SLC39A9: variants seen among roughly 807,000 people sequenced by gnomAD.
The protein encoded by SLC39A9 is zinc transporter ZIP9.
A neutral mutation model predicts 28.4 loss-of-function variants in SLC39A9; 14 were observed. The ratio of observed to expected loss-of-function variants is 0.49; its 90% CI spans 0.33 to 0.77. The LOEUF is 0.77. Among genes scored for constraint, SLC39A9 ranks in the 30% least tolerant of loss-of-function variants. SLC39A9 has a pLI of 0.02. For synonymous variants in SLC39A9, 119 were observed against 149.6 expected, an observed-to-expected ratio of 0.80 and a Z score of 1.49; for missense variants, 283 against 381.1, an observed-to-expected ratio of 0.74 and a Z score of 2.14.
intron 1 of SLC39A9, among the ~76,000 whole-genome samples, chr14:69,406,003 A>T (rs1445258840): frequency 2.0e-5 from 3 of 152,196 alleles, no homozygotes; most frequent in African/African-American, 7.2e-5. Flanking sequence ...GTGATTTGGA[A>T]CTAAGTCATT....
At chr14:69,443,921 C>T (rs945419270) in intron 3 of SLC39A9, among the ~76,000 whole-genome samples, 6 of 151,696 alleles carry the variant, frequency 4.0e-5, no homozygotes, top group Non-Finnish European at 7.4e-5. Context: ...CGTGGTGGCT[C>T]ATGCCTGTAA....
chr14:69,424,038 A>G, intron 1 of SLC39A9, 56 bp from the exon 2 acceptor site: 1 of 1,340,940 alleles, frequency 7.5e-7, no homozygotes, highest in Non-Finnish European at 1.1e-6. Context: ...TACTTGAGAA[A>G]CTTTTTCCCA....
intron 1 of SLC39A9, among the ~76,000 whole-genome samples, chr14:69,417,619 T>A (rs1387925387): frequency 6.6e-6 from 1 of 152,238 alleles, no homozygotes; most frequent in Non-Finnish European, 1.5e-5. Context: ...GGGATGTTCT[T>A]CCATTTGTTT....
At chr14:69,452,517 A>T (rs1885656732) in intron 3 of SLC39A9, among the ~76,000 whole-genome samples, 1 of 150,408 alleles carries the variant, frequency 6.6e-6, no homozygotes, top group South Asian at 2.1e-4. Flanking sequence ...TTTAGTAGAA[A>T]CGTGGTTTCA....
chr14:69,446,660 G>T (rs1472735691), intron 3 of SLC39A9, among the ~76,000 whole-genome samples: 1 of 151,868 alleles, frequency 6.6e-6, no homozygotes, highest in Non-Finnish European at 1.5e-5. Flanking sequence ...ATCACCTGAG[G>T]TCAGGAGTTC....
intron 3 of SLC39A9, among the ~76,000 whole-genome samples, chr14:69,449,972 G>A (rs1885525669): frequency 6.6e-6 from 1 of 152,056 alleles, no homozygotes; most frequent in African/African-American, 2.4e-5. Context: ...TGAATCATGA[G>A]GTCAGGGGTT....
At chr14:69,431,612 G>T (rs1884498503) in intron 2 of SLC39A9, among the ~76,000 whole-genome samples, 1 of 147,212 alleles carries the variant, frequency 6.8e-6, no homozygotes, top group African/African-American at 2.5e-5. Flanking sequence ...GTACAGGTTT[G>T]TTACCTGGGT....
At chr14:69,410,528 A>G (rs1244917455) in intron 1 of SLC39A9, among the ~76,000 whole-genome samples, 1 of 152,216 alleles carries the variant, frequency 6.6e-6, no homozygotes, top group Non-Finnish European at 1.5e-5. Flanking sequence ...CCTGTTTCAC[A>G]CAGCTGCTCC....
rs1322200858 is a variant in SLC39A9, at chr14:69,458,364, G to A, written c.695G>A (p.Ser232Asn). 2 of 1,614,100 alleles carry A rather than the reference G, an allele frequency of 1.2e-6. No homozygotes were observed. Among genetic ancestry groups the A allele is most frequent in the South Asian group, 2.2e-5 (2 of 91,066 alleles). The change falls in exon 7 of 7, where the codon AGC (serine) becomes AAC (asparagine). Residue 232 changes from serine (S) to asparagine (N), a missense_variant and splice_region_variant. Coordinates refer to ENST00000336643, the MANE Select transcript of SLC39A9 (RefSeq NM_018375.5). The stretch of plus-strand genomic sequence containing the variant: ...CTCTTTCTCTCTTCTAATTCACAGA[G>A]CAGTAAAGAAGCCCTTTCAGAGGTG... ...SMVTYLGLSK[S>N]SKEALSEVNA... is the part of the protein sequence containing the mutation.
chr14:69,461,271 C>T lies in SLC39A9; in HGVS notation c.*2678C>T, dbSNP rs1886100228. 3 of 991,986 alleles carry T rather than the reference C, an allele frequency of 3.0e-6. No homozygotes were observed. Among genetic ancestry groups the T allele is most frequent in the South Asian group, 9.2e-5 (2 of 21,668 alleles). 61.4% of individuals were successfully genotyped at this position (991,986 alleles called of 1,614,324 possible). On this transcript the variant is annotated 3_prime_UTR_variant, in exon 7 of 7. Coordinates refer to ENST00000336643, the MANE Select transcript of SLC39A9 (RefSeq NM_018375.5). ...ATAGACTTTCTTCAGATTCCAAGTGCTCTCTTAAATGGCAAATTAAGTTAA... is the reference window on the plus strand; with the variant it reads ...ATAGACTTTCTTCAGATTCCAAGTGTTCTCTTAAATGGCAAATTAAGTTAA...
At chr14:69,430,418 T>G (rs4899295) in intron 2 of SLC39A9, among the ~76,000 whole-genome samples, 68,646 of 151,848 alleles carry the variant, frequency 0.45, 15,672 homozygotes, top group Middle Eastern at 0.59. Flanking sequence ...AACACTATTT[T>G]TTGAAAAAAA....
intron 1 of SLC39A9, among the ~76,000 whole-genome samples, chr14:69,401,629 G>A (rs1882641309): frequency 1.3e-5 from 2 of 152,174 alleles, no homozygotes; most frequent in South Asian, 4.2e-4. Context: ...TTCACTAGAA[G>A]GAAATGTTTA....
intron 2 of SLC39A9, among the ~76,000 whole-genome samples, chr14:69,440,211 T>TG (rs1242978709): frequency 2.0e-5 from 3 of 152,048 alleles, no homozygotes; most frequent in Non-Finnish European, 2.9e-5. Context: ...ACTTGAACCC[T>TG]GGAGGCACAG....
chr14:69,431,590 CA>C (rs1229280881), intron 2 of SLC39A9, among the ~76,000 whole-genome samples: 3 of 147,952 alleles, frequency 2.0e-5, no homozygotes, highest in South Asian at 4.3e-4. Context: ...ATTTTAGATT[CA>C]GGGGGTACAT....
intron 1 of SLC39A9, 119 bp downstream of exon 1, chr14:69,399,584 C>T: frequency 1.4e-6 from 1 of 709,800 alleles, no homozygotes; most frequent in Non-Finnish European, 2.4e-6. Flanking sequence ...TTAAGAAAGA[C>T]TATCTTTTTT....
chr14:69,415,011 G>A (rs1883493276), intron 1 of SLC39A9, among the ~76,000 whole-genome samples: 1 of 152,162 alleles, frequency 6.6e-6, no homozygotes, highest in South Asian at 2.1e-4. Flanking sequence ...TTATTACCAA[G>A]TGGTATTCCA....
chr14:69,449,813 A>G (rs1331737419), intron 3 of SLC39A9, among the ~76,000 whole-genome samples: 1 of 152,052 alleles, frequency 6.6e-6, no homozygotes, highest in Non-Finnish European at 1.5e-5. Context: ...GGGAAGGGGC[A>G]AGTGGCTCTA....
Position 69,459,600 on chromosome 14 carries a change from C to T in SLC39A9, c.*1007C>T. On this transcript the variant is annotated 3_prime_UTR_variant, in exon 7 of 7. Transcript: ENST00000336643. ...ATTTCTCTTAGCAGATCAGCAATCC[C>T]TCTAGGGACCTAAATACTAGGTCAG... 2 of 976,894 alleles carry T rather than the reference C, an allele frequency of 2.0e-6. No homozygotes were observed. 60.5% of individuals were successfully genotyped at this position (976,894 alleles called of 1,614,324 possible).
chr14:69,419,596 T>C (rs7161463), intron 1 of SLC39A9, among the ~76,000 whole-genome samples: 47,511 of 152,028 alleles, frequency 0.31, 7,632 homozygotes, highest in Middle Eastern at 0.46. Flanking sequence ...ATATTGACAG[T>C]GGGGTGTTAA....
Sources: allele counts gnomAD v4.1 joint callset (sites outside exome capture counted in the v4.1 genomes callset), GRCh38; gene constraint gnomAD v4.1.1; transcripts MANE v1.5; gene names NCBI Gene and HGNC (gene_info 2026-07-23, HGNC 2026-07-21).